Variants in MGAT5 observed in about 807,000 individuals in gnomAD.
MGAT5 encodes the protein alpha-1,6-mannosylglycoprotein 6-beta-N-acetylglucosaminyltransferase.
Under a neutral mutation model 94.3 loss-of-function variants are expected in MGAT5, and 30 were observed. The observed-to-expected ratio is 0.32, with a 90% CI of 0.24 to 0.43. The LOEUF is 0.43. Ranked by LOEUF, MGAT5 falls within the 20% of genes least tolerant of loss-of-function variation. MGAT5 has a pLI of 1.00. For synonymous variants in MGAT5, 310 were observed against 322.9 expected, an observed-to-expected ratio of 0.96 and a Z score of 0.43; for missense variants, 691 against 905.5, an observed-to-expected ratio of 0.76 and a Z score of 3.04.
intron 2 of MGAT5, among the ~76,000 whole-genome samples, chr2:134,289,903 C>T (rs1685242180): frequency 1.3e-5 from 2 of 152,148 alleles, no homozygotes; most frequent in African/African-American, 4.8e-5. Flanking sequence ...CCCCATGCAC[C>T]TTTTTCCTTT....
chr2:134,420,872 G>A (rs1375374848), intron 12 of MGAT5, among the ~76,000 whole-genome samples: 2 of 152,200 alleles, frequency 1.3e-5, no homozygotes, highest in Non-Finnish European at 2.9e-5. Context: ...ACATATTTCA[G>A]TATTATGGAA....
chr2:134,299,174 G>A (rs529044579), intron 2 of MGAT5, among the ~76,000 whole-genome samples: 16 of 152,312 alleles, frequency 1.1e-4, no homozygotes, highest in Non-Finnish European at 2.1e-4. Flanking sequence ...TTATTCTGGA[G>A]CATACAAAAG....
intron 9 of MGAT5, among the ~76,000 whole-genome samples, chr2:134,355,440 G>A (rs1412069624): frequency 6.6e-6 from 1 of 152,110 alleles, no homozygotes; most frequent in Non-Finnish European, 1.5e-5. Context: ...GTTATTTGGG[G>A]ATGCTTTTGT....
In MGAT5 at chr2:134,351,432, C is replaced by T. The variant is rs112586783; in HGVS notation, c.1246+1494C>T. On this transcript the variant is annotated intron_variant, in intron 9 of 15. Transcript: ENST00000281923. Reference sequence around the variant, plus strand: ...TAAAACCGCTGGGTGATATGGCAGGCGTGTGCCCTACAAGAGATAGAGTTT... The same window carrying T: ...TAAAACCGCTGGGTGATATGGCAGGTGTGTGCCCTACAAGAGATAGAGTTT... 8.8e-3 allele frequency among the ~76,000 whole-genome samples: 1,340 copies of T among 152,154 alleles called. 19 individuals are homozygous for T. The highest frequency in any genetic ancestry group is 0.031 in the African/African-American group (1,268 of 41,512).
At chr2:134,260,588 A>G (rs2105557780) in intron 1 of MGAT5, among the ~76,000 whole-genome samples, 1 of 152,264 alleles carries the variant, frequency 6.6e-6, no homozygotes, top group East Asian at 1.9e-4. Flanking sequence ...TTAAAGATGC[A>G]AGCATGTAAA....
intron 10 of MGAT5, among the ~76,000 whole-genome samples, chr2:134,381,058 G>A (rs1021331480): frequency 6.6e-6 from 1 of 151,656 alleles, no homozygotes; most frequent in Non-Finnish European, 1.5e-5. Flanking sequence ...CCCAAATTCC[G>A]ATGAAGTCCT....
intron 9 of MGAT5, among the ~76,000 whole-genome samples, chr2:134,357,720 TC>T (rs1449794054): frequency 6.6e-6 from 1 of 152,144 alleles, no homozygotes; most frequent in African/African-American, 2.4e-5. Flanking sequence ...AGGAGTCCAT[TC>T]CCTCTTAAAT....
intron 10 of MGAT5, among the ~76,000 whole-genome samples, chr2:134,382,014 C>T (rs1681661042): frequency 6.6e-6 from 1 of 152,122 alleles, no homozygotes; most frequent in Admixed American, 6.6e-5. Flanking sequence ...GTGTCTGACC[C>T]CATTCTTAAT....
At chr2:134,122,873 G>T (rs2321729) in intron 1 of MGAT5, among the ~76,000 whole-genome samples, 1 of 152,210 alleles carries the variant, frequency 6.6e-6, no homozygotes, top group African/African-American at 2.4e-5. Context: ...CAGATCTGCC[G>T]GTGGCAACCG....
chr2:134,421,667 A>G lies in MGAT5; in HGVS notation c.1678-1136A>G, dbSNP rs375283815. Among the ~76,000 whole-genome samples, 6 of 152,296 alleles carry G rather than the reference A, an allele frequency of 3.9e-5. No individual in the cohort carries two copies. The East Asian group carries it at 5.8e-4, about 15-fold the overall frequency. The stretch of plus-strand genomic sequence containing the variant: ...TTGAAAGTTTCGTGGGCAGTGGACA[A>G]TTCTTCCTGTGCAGGACTGTCCTTG... On this transcript the variant is annotated intron_variant, in intron 12 of 15. Coordinates refer to ENST00000281923, the MANE Select transcript of MGAT5 (RefSeq NM_002410.5).
At position 134,151,837 on chromosome 2, in the gene MGAT5, C is replaced by T. The variant is rs553917975; in HGVS notation, c.-143+31546C>T. On this transcript the variant is annotated intron_variant, in intron 1 of 16. Coordinates refer to the MGAT5 transcript ENST00000409645. Reference sequence around the variant, plus strand: ...TCCCACTGCCATGGGACCTCACTCACGCCCTATGGGACCCGCTTACCGCCA... The same window carrying T: ...TCCCACTGCCATGGGACCTCACTCATGCCCTATGGGACCCGCTTACCGCCA... 1.7e-3 allele frequency among the ~76,000 whole-genome samples: 228 copies of T among 137,116 alleles called. 15 individuals carry two copies. Among genetic ancestry groups the T allele is most frequent in the African/African-American group, 5.9e-3 (208 of 35,278 alleles). 90.0% of individuals were successfully genotyped at this position (137,116 alleles called of 152,430 possible).
rs766098243 is a variant in MGAT5 at position 134,429,185 on chromosome 2, T to C, written c.1869+746T>C. Among the ~76,000 whole-genome samples the C allele has an allele frequency of 7.0e-4, 106 of 152,226 alleles. 2 individuals carry two copies. Among genetic ancestry groups the C allele is most frequent in the Admixed American group, 2.6e-4 (4 of 15,286 alleles). On this transcript the variant is annotated intron_variant, in intron 14 of 15. Coordinates refer to ENST00000281923, the MANE Select transcript of MGAT5 (RefSeq NM_002410.5). ...CATTTTTTAAGGCAATCAAGGGATC[T>C]TTACACAATAGGGGATGAGGATGGT...
chr2:134,442,998 C>T (rs898596143), intron 15 of MGAT5, among the ~76,000 whole-genome samples: 2 of 152,178 alleles, frequency 1.3e-5, no homozygotes, highest in African/African-American at 4.8e-5. Context: ...GTTCAGGCTT[C>T]ACGCCCTGTT....
chr2:134,225,799 G>A (rs189731581), intron 1 of MGAT5, among the ~76,000 whole-genome samples: 76 of 152,262 alleles, frequency 5.0e-4, no homozygotes, highest in Non-Finnish European at 7.9e-4. Flanking sequence ...ACTACATCTC[G>A]TGATAGCATA....
chr2:134,231,888 A>T (rs1681383882), intron 1 of MGAT5, among the ~76,000 whole-genome samples: 1 of 152,140 alleles, frequency 6.6e-6, no homozygotes, highest in Non-Finnish European at 1.5e-5. Context: ...ACACCCAGTG[A>T]GTTGAGGAAG....
chr2:134,254,833 G>T (rs1682832558), intron 1 of MGAT5, among the ~76,000 whole-genome samples, 189 bp downstream of exon 1: 1 of 152,182 alleles, frequency 6.6e-6, no homozygotes, highest in African/African-American at 2.4e-5. Flanking sequence ...CTGAGCTGGT[G>T]TATGCAGACA....
rs78320897 is a variant in MGAT5, at chr2:134,181,988, G to A, written c.-143+61697G>A. 7.8e-3 allele frequency among the ~76,000 whole-genome samples: 1,188 copies of A among 152,330 alleles called. 20 individuals carry two copies. Among genetic ancestry groups the A allele is most frequent in the African/African-American group, 0.027 (1,136 of 41,566 alleles). On this transcript the variant is annotated intron_variant, in intron 1 of 16. Transcript: ENST00000409645. The stretch of plus-strand genomic sequence containing the variant: ...TGAGTTTCTTCACTTCCCTCATTGT[G>A]TGTGATCACTAGGAGATTTTATGTG...
chr2:134,129,537 C>A (rs1247786365), intron 1 of MGAT5, among the ~76,000 whole-genome samples: 1 of 152,130 alleles, frequency 6.6e-6, no homozygotes, highest in Non-Finnish European at 1.5e-5. Context: ...TGTAAAGGAA[C>A]TATTTTTCTT....
At chr2:134,289,666 A>G (rs1452110310) in intron 2 of MGAT5, among the ~76,000 whole-genome samples, 1 of 152,220 alleles carries the variant, frequency 6.6e-6, no homozygotes, top group Non-Finnish European at 1.5e-5. Context: ...AACCATGTGT[A>G]CAAATAATAT....
Sources: gnomAD v4.1 joint callset for allele counts (sites outside exome capture counted in the v4.1 genomes callset) on GRCh38, gnomAD v4.1.1 for gene constraint, MANE v1.5 for transcripts, NCBI Gene and HGNC (gene_info 2026-07-23, HGNC 2026-07-21) for gene names.